METTL21C: variants seen among roughly 807,000 people sequenced by gnomAD.
METTL21C encodes protein-lysine methyltransferase METTL21C.
METTL21C carries 21 observed loss-of-function variants against 25.9 expected under a neutral mutation model. The observed-to-expected ratio is 0.81, with a 90% CI of 0.58 to 1.17. The LOEUF is 1.17. METTL21C is among the 50% of genes most tolerant of loss of function. METTL21C has a pLI of 0.00. For missense variants in METTL21C, 312 were observed against 315.1 expected, an observed-to-expected ratio of 0.99 and a Z score of 0.07; for synonymous variants, 125 against 124.7, an observed-to-expected ratio of 1.00 and a Z score of -0.01.
chr13:102,697,614 G>A (rs1885967677), upstream of METTL21C, among the ~76,000 whole-genome samples: 1 of 152,118 alleles, frequency 6.6e-6, no homozygotes, highest in African/African-American at 2.4e-5. Flanking sequence ...TACGGTGGAG[G>A]TGGATTTGCA....
intron 2 of METTL21C, among the ~76,000 whole-genome samples, chr13:102,689,093 A>T (rs9518807): frequency 0.44 from 63,350 of 143,780 alleles, 14,223 homozygotes; most frequent in East Asian, 0.62. Flanking sequence ...TCTTTTTTTT[A>T]AAATTATTAT....
upstream of METTL21C, among the ~76,000 whole-genome samples, chr13:102,699,425 C>T (rs1005666359): frequency 6.6e-4 from 100 of 152,112 alleles, no homozygotes; most frequent in African/African-American, 2.3e-3. Context: ...CCACAGCTCG[C>T]CCTGGGCTGC....
chr13:102,686,171 G>C lies in METTL21C; in HGVS notation c.655C>G (p.Leu219Val). 6.2e-7 allele frequency: 1 copy of C among 1,614,230 alleles called. No individual in the cohort carries two copies. The highest frequency in any genetic ancestry group is 1.1e-5 in the South Asian group (1 of 91,088). ...MVYLSQPGTV[L>V]LWANKFRFST... ...AACCTGAATTTGTTTGCCCAAAGCA[G>C]CACCGTCCCTGGCTGGGAAAGGTAC... is the stretch of plus-strand genomic sequence containing the variant. The change falls in exon 4 of 4, where the codon CTG becomes GTG. Residue 219 changes from leucine to valine, a missense_variant. Coordinates refer to ENST00000267273, the MANE Select transcript of METTL21C (RefSeq NM_001010977.3).
intron 1 of METTL21C, among the ~76,000 whole-genome samples, chr13:102,694,165 C>G (rs192387959): frequency 2.0e-5 from 3 of 151,762 alleles, no homozygotes; most frequent in Non-Finnish European, 4.4e-5. Flanking sequence ...TAATGAAAAA[C>G]CAGGAATTAC....
rs114008472 is a variant in METTL21C, at chr13:102,688,498, C to T, written c.283-1441G>A. Among the ~76,000 whole-genome samples the T allele has an allele frequency of 2.6e-3, 390 of 152,236 alleles. 4 individuals carry two copies. Among genetic ancestry groups the T allele is most frequent in the African/African-American group, 8.6e-3 (358 of 41,528 alleles). Reference sequence around the variant, plus strand: ...GGAGTCTGGGCCGACTTCATGGGGCCGGGGAGAAGCCAGCTGGTGTGGAAG... The same window carrying T: ...GGAGTCTGGGCCGACTTCATGGGGCTGGGGAGAAGCCAGCTGGTGTGGAAG... On this transcript the variant is annotated intron_variant, in intron 2 of 3. Coordinates refer to ENST00000267273, the MANE Select transcript of METTL21C (RefSeq NM_001010977.3).
chr13:102,690,186 C>G (rs565880894), intron 2 of METTL21C, among the ~76,000 whole-genome samples: 1 of 152,096 alleles, frequency 6.6e-6, no homozygotes, highest in African/African-American at 2.4e-5. Context: ...TTTGGGAGGC[C>G]GAGGTGGGCA....
At chr13:102,702,914 G>A in the METTL21C span, among the ~76,000 whole-genome samples, 3 of 151,970 alleles carry the variant, frequency 2.0e-5, no homozygotes, top group Admixed American at 6.6e-5. Context: ...TCTTATATAC[G>A]AACAACAAAA....
intron 2 of METTL21C, among the ~76,000 whole-genome samples, chr13:102,688,766 T>C (rs928521365): frequency 1.3e-5 from 2 of 152,000 alleles, no homozygotes. Flanking sequence ...GCTGCAGGGG[T>C]CCTTCCTGGT....
chr13:102,687,304 G>A (rs1885701927), intron 2 of METTL21C, among the ~76,000 whole-genome samples: 1 of 152,166 alleles, frequency 6.6e-6, no homozygotes, highest in Non-Finnish European at 1.5e-5. Flanking sequence ...CCAAAGAATA[G>A]GAAGAACAGT....
chr13:102,690,483 T>C (rs1254014140), intron 2 of METTL21C, among the ~76,000 whole-genome samples: 1 of 151,800 alleles, frequency 6.6e-6, no homozygotes, highest in Admixed American at 6.6e-5. Flanking sequence ...GGCTCGGAGA[T>C]GCCCACTGCA....
intron 1 of METTL21C, among the ~76,000 whole-genome samples, chr13:102,693,704 G>C (rs769495292): frequency 1.3e-5 from 2 of 152,226 alleles, no homozygotes; most frequent in Admixed American, 6.5e-5. Context: ...TTTTGTGCCT[G>C]AAATATTTTC....
chr13:102,689,853 C>A (rs950416708), intron 2 of METTL21C, among the ~76,000 whole-genome samples: 1 of 152,222 alleles, frequency 6.6e-6, no homozygotes, highest in Non-Finnish European at 1.5e-5. Context: ...TTTAATCTCA[C>A]AATCTGAAAT....
chr13:102,701,229 G>C, the METTL21C span, among the ~76,000 whole-genome samples: 1 of 152,018 alleles, frequency 6.6e-6, no homozygotes, highest in East Asian at 1.9e-4. Flanking sequence ...AAAAGCAACA[G>C]AGAGCCTGTT....
At chr13:102,697,328 G>C (rs1885963280), upstream of METTL21C, among the ~76,000 whole-genome samples, 1 of 152,030 alleles carries the variant, frequency 6.6e-6, no homozygotes, top group African/African-American at 2.4e-5. Flanking sequence ...ATTTGGGGGA[G>C]ACATTATTAG....
intron 2 of METTL21C, among the ~76,000 whole-genome samples, chr13:102,688,964 G>C (rs942881138): frequency 2.0e-5 from 3 of 152,234 alleles, no homozygotes; most frequent in Non-Finnish European, 4.4e-5. Flanking sequence ...TCCCACTCTA[G>C]ATGCCCTTCT....
At position 102,694,426 on chromosome 13, in the gene METTL21C, A is replaced by G; in HGVS notation, c.73T>C (p.Leu25=). ...GGAGCCCCCTTCTTCTCAGCCTCTA[A>G]CCAGCCACCCGGGGAGCTGAGTCCT... ...GEGLSSPGGW[L]EAEKKGAPQK... The change falls in exon 1 of 4, where the codon TTA becomes CTA. Residue 25 remains leucine, a synonymous_variant. Coordinates refer to ENST00000267273, the MANE Select transcript of METTL21C (RefSeq NM_001010977.3). The G allele has an allele frequency of 6.8e-7, 1 of 1,470,592 alleles. No individual in the cohort carries two copies. The highest frequency in any genetic ancestry group is 8.9e-7 in the Non-Finnish European group (1 of 1,117,698). The allele number at this position is 1,470,592 out of a possible 1,614,324, so 91.1% of individuals were successfully genotyped here.
Position 102,686,318 on chromosome 13 carries a change from G to C in METTL21C, c.508C>G (p.Leu170Val), listed in dbSNP as rs1356468444. ...TTGTCCAGGTCTTCCCCCCATACCAGTTCTTTCACTTCAGGCAGATGTGCT... is the reference window on the plus strand; with the variant it reads ...TTGTCCAGGTCTTCCCCCCATACCACTTCTTTCACTTCAGGCAGATGTGCT... ...CTAHLPEVKE[L>V]VWGEDLDKNF... is the part of the protein sequence containing the mutation. The change falls in exon 4 of 4, where the codon CTG becomes GTG. Residue 170 changes from leucine (L) to valine (V), a missense_variant. Leu to Val is a conservative substitution (Grantham distance 32). Coordinates refer to ENST00000267273, the MANE Select transcript of METTL21C (RefSeq NM_001010977.3). 1.2e-6 allele frequency: 2 copies of C among 1,614,196 alleles called. No homozygotes were observed. The highest frequency in any genetic ancestry group is 1.7e-6 in the Non-Finnish European group (2 of 1,180,030).
intron 2 of METTL21C, among the ~76,000 whole-genome samples, chr13:102,690,074 A>G (rs530386654): frequency 6.6e-6 from 1 of 152,296 alleles, no homozygotes; most frequent in East Asian, 1.9e-4. Flanking sequence ...GACATGCCAC[A>G]AAGTCATGCT....
intron 2 of METTL21C, among the ~76,000 whole-genome samples, chr13:102,690,612 A>G (rs980760234): frequency 6.6e-6 from 1 of 152,066 alleles, no homozygotes; most frequent in Non-Finnish European, 1.5e-5. Context: ...ACAGAGCTTG[A>G]AGCAAAACCA....
Sources: gnomAD v4.1 joint callset for allele counts (sites outside exome capture counted in the v4.1 genomes callset) on GRCh38, gnomAD v4.1.1 for gene constraint, MANE v1.5 for transcripts, NCBI Gene and HGNC (gene_info 2026-07-23, HGNC 2026-07-21) for gene names.